DLEC1: variants seen among roughly 807,000 people sequenced by gnomAD.
DLEC1 encodes the protein DLEC1 cilia and flagella associated protein.
DLEC1 carries 146 observed loss-of-function variants against 198.1 expected under a neutral mutation model. The ratio of observed to expected loss-of-function variants is 0.74; its 90% CI spans 0.64 to 0.85. The LOEUF (loss-of-function observed/expected upper bound fraction) is 0.85. Among genes scored for constraint, DLEC1 ranks in the 40% least tolerant of loss-of-function variants. DLEC1 has a pLI of 0.00. For synonymous variants in DLEC1, 897 were observed against 866.8 expected (o/e 1.03, Z -0.61); for missense variants, 2,233 against 2,220.0 (o/e 1.01, Z -0.12).
At chr3:38,051,841 G>A (rs1211938278) in intron 2 of DLEC1, 2 of 153,562 alleles carry the variant, frequency 1.3e-5, no homozygotes, top group East Asian at 3.8e-4. Context: ...TGGAAAAGAA[G>A]CGGATGAGAT....
At position 38,112,171 on chromosome 3, in the gene DLEC1, C is replaced by T; in HGVS notation, c.3515-39C>T. The T allele has an allele frequency of 2.5e-6, 4 of 1,613,090 alleles. No homozygotes were observed. Among genetic ancestry groups the T allele is most frequent in the Non-Finnish European group, 3.4e-6 (4 of 1,179,372 alleles). ...AGGGTTTGGACCTCACTCCCAACCC[C>T]AGGCCCGTGAATCCCCCACAGTCGC... is the stretch of plus-strand genomic sequence containing the variant. On this transcript the variant is annotated intron_variant, in intron 24 of 36. Coordinates refer to ENST00000308059, the MANE Select transcript of DLEC1 (RefSeq NM_007335.4). The surrounding 1 kb of genome is among the most constrained non-coding windows in gnomAD (Gnocchi z 4.8).
intron 18 of DLEC1, among the ~76,000 whole-genome samples, chr3:38,100,022 C>T (rs1020261772): frequency 9.9e-5 from 15 of 152,226 alleles, no homozygotes; most frequent in Admixed American, 3.9e-4. Context: ...CCTCCCTCCG[C>T]CTTCTATCTC....
intron 10 of DLEC1, among the ~76,000 whole-genome samples, chr3:38,089,365 C>T (rs1698626980): frequency 6.6e-6 from 1 of 152,212 alleles, no homozygotes; most frequent in Non-Finnish European, 1.5e-5. Context: ...GTTCAACTGC[C>T]ACAGCGACTC....
chr3:38,084,380 GGTAGTA>G (rs1287176617), intron 7 of DLEC1, 135 bp downstream of exon 7: 4 of 515,134 alleles, frequency 7.8e-6, no homozygotes, highest in South Asian at 6.8e-5. Flanking sequence ...TAGTGATGGT[GGTAGTA>G]GTGGTAGTAG....
intron 1 of DLEC1, among the ~76,000 whole-genome samples, chr3:38,041,474 A>G (rs6774304): frequency 0.33 from 49,808 of 152,036 alleles, 8,445 homozygotes; most frequent in East Asian, 0.55. Context: ...TAGAAGCTGA[A>G]ATTTAATTTA....
intron 2 of DLEC1, among the ~76,000 whole-genome samples, chr3:38,056,909 T>G (rs1427108674): frequency 1.3e-5 from 2 of 152,176 alleles, no homozygotes; most frequent in African/African-American, 4.8e-5. Context: ...TTCTTAGTGA[T>G]CAGCAAATTA....
intron 7 of DLEC1, among the ~76,000 whole-genome samples, 186 bp downstream of exon 7, chr3:38,084,431 AGTAGTGGTGGTG>A (rs1698272728): frequency 7.9e-5 from 2 of 25,196 alleles, no homozygotes; most frequent in African/African-American, 4.5e-4. Context: ...TGGTAGTAGT[AGTAGTGGTGGTG>A]GTGGTGGTGG....
intron 1 of DLEC1, 141 bp downstream of exon 1, chr3:38,039,777 C>G: frequency 1.7e-6 from 2 of 1,149,336 alleles, no homozygotes; most frequent in Non-Finnish European, 2.4e-6. Flanking sequence ...GAAGTGGGCC[C>G]GACATTCTAG....
intron 6 of DLEC1, among the ~76,000 whole-genome samples, chr3:38,065,353 G>A (rs935834556): frequency 6.8e-6 from 1 of 147,664 alleles, no homozygotes; most frequent in Non-Finnish European, 1.5e-5. Context: ...AGGGAGGAGA[G>A]GGAGACTGTG....
chr3:38,062,698 C>T lies in DLEC1; in HGVS notation c.991C>T (p.Arg331Cys), dbSNP rs186478415. ...ESRNHFLKNP[R>C]FFPPNTRYGG... ...TCGGAACCACTTCCTAAAAAATCCC[C>T]GTTTTTTTCCTCCTAACACTCGATA... Residue 331 changes from arginine (R) to cysteine (C), a missense_variant, in exon 5 of 37, where the codon CGT becomes TGT. Coordinates refer to ENST00000308059, the MANE Select transcript of DLEC1 (RefSeq NM_007335.4). The T allele has an allele frequency of 1.5e-5, 24 of 1,614,090 alleles. No individual in the cohort carries two copies. The East Asian group carries it at 3.3e-4, about 22-fold the overall frequency.
Position 38,117,948 on chromosome 3 carries a change from G to A in DLEC1, c.4628G>A (p.Gly1543Asp), listed in dbSNP as rs764534423. Residue 1543 changes from glycine to aspartate, a missense_variant, in exon 33 of 37, where the codon GGC becomes GAC. Transcript: ENST00000308059. Reference protein sequence around the residue: ...ASQDHRAPGPGQKQECEEETA... With the variant: ...ASQDHRAPGPDQKQECEEETA... The stretch of plus-strand genomic sequence containing the variant: ...CAGGACCACAGAGCTCCTGGCCCTG[G>A]CCAGAAGCAGGAGTGTGAGGAGGAG... 6.2e-7 allele frequency: 1 copy of A among 1,614,104 alleles called. No individual in the cohort carries two copies. The highest frequency in any genetic ancestry group is 1.7e-5 in the Admixed American group (1 of 60,010).
At chr3:38,097,404 G>T (rs1285682682) in intron 16 of DLEC1, 103 bp from the exon 17 acceptor site, 12 of 1,570,200 alleles carry the variant, frequency 7.6e-6, no homozygotes, top group Non-Finnish European at 9.5e-6. Context: ...CCTGGGATGT[G>T]AGGGAGATGA....
chr3:38,097,858 C>T lies in DLEC1; in HGVS notation c.2680C>T (p.Arg894Cys), dbSNP rs201426903. 177 of 1,614,198 alleles carry T rather than the reference C, an allele frequency of 1.1e-4. No homozygotes were observed. The highest frequency in any genetic ancestry group is 6.3e-4 in the Admixed American group (38 of 60,026). ...RNVSQLPATWRMKESPVSLQE... is the reference protein window; with the variant it reads ...RNVSQLPATWCMKESPVSLQE... ...CGTCAGCCAGCTCCCAGCCACATGG[C>T]GCATGAAGGAGAGCCCAGTCTCCCT... Residue 894 changes from arginine (R) to cysteine (C), a missense_variant, in exon 18 of 37, where the codon CGC (arginine) becomes TGC (cysteine). Transcript: ENST00000308059.
In DLEC1 at chr3:38,122,410, T is replaced by C. The variant is rs373418934; in HGVS notation, c.5266T>C (p.Ter1756ArgextTer57). The C allele has an allele frequency of 7.4e-6, 12 of 1,613,966 alleles. No homozygotes were observed. The highest frequency in any genetic ancestry group is 1.7e-5 in the Admixed American group (1 of 60,000). Reference protein sequence around the residue: ...DERYMLPHQP* With the variant: ...DERYMLPHQPR ...GAGATACATGTTGCCTCACCAGCCC[T>C]GAGGCTCCGCCCCAGCCCTCAGCCC... Residue 1756 changes from the stop codon to arginine (R), a stop_lost, in exon 37 of 37, where the codon TGA becomes CGA. Transcript: ENST00000308059.
chr3:38,108,367 CCAGT>C (rs1699678286), intron 20 of DLEC1, 34 bp from the exon 21 acceptor site: 1 of 1,552,610 alleles, frequency 6.4e-7, no homozygotes, highest in African/African-American at 1.4e-5. Context: ...TTCTGGGAGC[CCAGT>C]AAGTGACAAC....
chr3:38,122,328 T>C lies in DLEC1; in HGVS notation c.5184T>C (p.Gly1728=). 3.7e-6 allele frequency: 6 copies of C among 1,614,062 alleles called. No individual in the cohort carries two copies. Among genetic ancestry groups the C allele is most frequent in the Non-Finnish European group, 5.1e-6 (6 of 1,179,970 alleles). The part of the protein sequence containing the change: ...ELYESTMVVE[G]VLGEKSCTLR... ...ACGAGTCCACGATGGTGGTGGAAGGTGTGCTCGGTGAGAAGTCCTGCACCC... is the reference window on the plus strand; with the variant it reads ...ACGAGTCCACGATGGTGGTGGAAGGCGTGCTCGGTGAGAAGTCCTGCACCC... Residue 1728 remains glycine, a synonymous_variant, in exon 37 of 37, where the codon GGT becomes GGC. Coordinates refer to ENST00000308059, the MANE Select transcript of DLEC1 (RefSeq NM_007335.4).
chr3:38,119,089 C>T (rs1020061629), intron 33 of DLEC1, among the ~76,000 whole-genome samples: 18 of 152,192 alleles, frequency 1.2e-4, no homozygotes, highest in Admixed American at 1.1e-3. Context: ...CAAGGAGACA[C>T]GGCGGTTAGC....
rs371060328 is a variant in DLEC1 at position 38,083,382 on chromosome 3, A to C, written c.1174-776A>C. 3.9e-5 allele frequency among the ~76,000 whole-genome samples: 6 copies of C among 152,122 alleles called. No individual in the cohort carries two copies. In the East Asian group the frequency reaches 9.7e-4, roughly 25 times the overall value. Reference sequence around the variant, plus strand: ...TCTGGCAGGCAGGAGTGGGGGTTGCAAAGTACTCAGTGGGGGAGCTTTTTG... The same window carrying C: ...TCTGGCAGGCAGGAGTGGGGGTTGCCAAGTACTCAGTGGGGGAGCTTTTTG... On this transcript the variant is annotated intron_variant, in intron 6 of 36. Coordinates refer to ENST00000308059, the MANE Select transcript of DLEC1 (RefSeq NM_007335.4).
At chr3:38,076,770 AAAAC>A (rs1697647598) in intron 6 of DLEC1, among the ~76,000 whole-genome samples, 1 of 152,216 alleles carries the variant, frequency 6.6e-6, no homozygotes, top group African/African-American at 2.4e-5. Context: ...TAAGAAAAAT[AAAAC>A]AAAATAGTGG....
Sources: gnomAD v4.1 joint callset for allele counts (sites outside exome capture counted in the v4.1 genomes callset) on GRCh38, gnomAD v4.1.1 for gene constraint, Gnocchi (gnomAD v3.1) non-coding constraint, MANE v1.5 for transcripts, NCBI Gene and HGNC (gene_info 2026-07-23, HGNC 2026-07-21) for gene names.